Variants in PRKCA observed in about 807,000 individuals in gnomAD.
PRKCA encodes the protein protein kinase C alpha.
PRKCA carries 27 observed loss-of-function variants against 87.0 expected under a neutral mutation model. The ratio of observed to expected loss-of-function variants is 0.31; its 90% CI spans 0.23 to 0.43. The LOEUF is 0.43. Ranked by LOEUF, PRKCA falls within the 20% of genes least tolerant of loss-of-function variation. The pLI, the probability that PRKCA is intolerant of heterozygous loss-of-function variation, is 1.00. For missense variants in PRKCA, 518 were observed against 852.3 expected, an observed-to-expected ratio of 0.61 and a Z score of 4.88; for synonymous variants, 329 against 311.1, an observed-to-expected ratio of 1.06 and a Z score of -0.61.
At chr17:66,433,515 C>T (rs138030005) in intron 2 of PRKCA, among the ~76,000 whole-genome samples, 1 of 152,214 alleles carries the variant, frequency 6.6e-6, no homozygotes, top group Non-Finnish European at 1.5e-5. Flanking sequence ...TGAGTTCCTC[C>T]AGCTCAGAAG....
intron 2 of PRKCA, among the ~76,000 whole-genome samples, chr17:66,356,496 G>A (rs1021491512): frequency 1.3e-5 from 2 of 152,158 alleles, no homozygotes; most frequent in East Asian, 2.0e-4. Flanking sequence ...TTAGCCGGGC[G>A]TGGTGTCGGG....
chr17:66,641,878 G>A (rs997992585), intron 4 of PRKCA, among the ~76,000 whole-genome samples: 2 of 151,984 alleles, frequency 1.3e-5, no homozygotes, highest in Admixed American at 1.3e-4. Flanking sequence ...ATTAGTGGGT[G>A]GACTGTGGAA....
At chr17:66,569,647 T>G (rs895305201) in intron 3 of PRKCA, among the ~76,000 whole-genome samples, 3 of 152,018 alleles carry the variant, frequency 2.0e-5, no homozygotes, top group Admixed American at 2.0e-4. Flanking sequence ...ATTTGTAAAC[T>G]TCATGAAAGA....
intron 2 of PRKCA, among the ~76,000 whole-genome samples, chr17:66,423,126 T>C (rs796712477): frequency 6.6e-6 from 1 of 152,004 alleles, no homozygotes; most frequent in African/African-American, 2.4e-5. Flanking sequence ...AAAAAAAGTA[T>C]TATTGCAGAG....
At chr17:66,335,423 C>T (rs190423885) in intron 2 of PRKCA, among the ~76,000 whole-genome samples, 1 of 152,056 alleles carries the variant, frequency 6.6e-6, no homozygotes, top group Admixed American at 6.5e-5. Flanking sequence ...GTGAGAGCCT[C>T]TACACATAGT....
intron 2 of PRKCA, among the ~76,000 whole-genome samples, chr17:66,399,239 A>G (rs1447329517): frequency 1.3e-5 from 2 of 151,548 alleles, no homozygotes; most frequent in Non-Finnish European, 2.9e-5. Context: ...GTGGGACACC[A>G]TGCCCGGCTA....
chr17:66,787,519 C>G (rs1370577464), intron 15 of PRKCA, among the ~76,000 whole-genome samples: 1 of 152,212 alleles, frequency 6.6e-6, no homozygotes, highest in East Asian at 1.9e-4. Flanking sequence ...TCCTGTCTTA[C>G]TTGGTGTGAC....
chr17:66,354,831 A>C (rs891105130), intron 2 of PRKCA, among the ~76,000 whole-genome samples: 3 of 152,172 alleles, frequency 2.0e-5, no homozygotes, highest in Admixed American at 2.0e-4. Flanking sequence ...TGATCAAACA[A>C]ATTTAATTTT....
At chr17:66,401,895 G>A (rs75125285) in intron 2 of PRKCA, among the ~76,000 whole-genome samples, 4,356 of 152,256 alleles carry the variant, frequency 0.029, 91 homozygotes, top group Middle Eastern at 0.075. Flanking sequence ...AGACACAAAT[G>A]GTGATGTCCA....
intron 5 of PRKCA, among the ~76,000 whole-genome samples, chr17:66,656,681 A>G (rs756899290): frequency 1.1e-3 from 161 of 152,242 alleles, no homozygotes; most frequent in Non-Finnish European, 1.7e-3. Context: ...GACGAAATAA[A>G]TAACAGATAA....
At chr17:66,330,146 C>A (rs1320746504) in intron 2 of PRKCA, among the ~76,000 whole-genome samples, 1 of 150,684 alleles carries the variant, frequency 6.6e-6, no homozygotes, top group African/African-American at 2.4e-5. Context: ...ACTCTTGTTT[C>A]CCAGGCTGGA....
chr17:66,562,585 G>GTTT lies in PRKCA; in HGVS notation c.288+66309_288+66311dup, dbSNP rs10523714. 1.1e-4 allele frequency among the ~76,000 whole-genome samples: 16 copies of GTTT among 149,140 alleles called. 1 individual carries two copies. Among genetic ancestry groups the GTTT allele is most frequent in the South Asian group, 6.4e-4 (3 of 4,678 alleles). ...TATGTGAAAATAATAGCTAAGTTTT[G>GTTT]TTTTTTTTTGTTGTTGTTGTTGTTG... On this transcript the variant is annotated intron_variant, in intron 3 of 16. Transcript: ENST00000413366.
chr17:66,467,046 G>A (rs972394935), intron 2 of PRKCA, among the ~76,000 whole-genome samples: 3 of 152,154 alleles, frequency 2.0e-5, no homozygotes, highest in African/African-American at 7.2e-5. Context: ...TGATGGCTTC[G>A]TTGCCCTGCA....
At chr17:66,411,888 TA>T (rs918905423) in intron 2 of PRKCA, among the ~76,000 whole-genome samples, 2 of 151,954 alleles carry the variant, frequency 1.3e-5, no homozygotes, top group South Asian at 2.1e-4. Context: ...TTGAGAATAT[TA>T]AAAAAACCTT....
chr17:66,581,851 C>A (rs1367732242), intron 3 of PRKCA, among the ~76,000 whole-genome samples: 7 of 152,158 alleles, frequency 4.6e-5, no homozygotes, highest in Non-Finnish European at 8.8e-5. Context: ...ATATGGGCAA[C>A]ATGGTTTAAT....
chr17:66,522,590 G>A (rs1598739513), intron 3 of PRKCA, among the ~76,000 whole-genome samples: 1 of 152,110 alleles, frequency 6.6e-6, no homozygotes, highest in Non-Finnish European at 1.5e-5. Flanking sequence ...AATTCCTTCT[G>A]TACTGGGGGT....
chr17:66,400,343 G>T (rs959689844), intron 2 of PRKCA, among the ~76,000 whole-genome samples: 7 of 152,152 alleles, frequency 4.6e-5, no homozygotes, highest in Non-Finnish European at 8.8e-5. Flanking sequence ...GTAGAGATGC[G>T]GTTTTGCCAT....
At chr17:66,361,410 C>T (rs74790958) in intron 2 of PRKCA, among the ~76,000 whole-genome samples, 18,212 of 151,516 alleles carry the variant, frequency 0.12, 1,473 homozygotes, top group East Asian at 0.28. Flanking sequence ...TTCCTGGGTT[C>T]AAGCAATTCT....
At chr17:66,687,018 C>T (rs546621798) in intron 5 of PRKCA, 93 bp from the exon 6 acceptor site, 57 of 1,152,278 alleles carry the variant, frequency 4.9e-5, no homozygotes, top group African/African-American at 9.3e-5. Flanking sequence ...GCCATTCTGA[C>T]GTCTCTTTTA....
Sources: gnomAD v4.1 joint callset for allele counts (sites outside exome capture counted in the v4.1 genomes callset) on GRCh38, gnomAD v4.1.1 for gene constraint, MANE v1.5 for transcripts, NCBI Gene and HGNC (gene_info 2026-07-23, HGNC 2026-07-21) for gene names.